The following PRLR variants were observed in gnomAD, a reference collection of about 807,000 sequenced individuals.
PRLR encodes hPRL receptor.
Under a neutral mutation model 40.2 loss-of-function variants are expected in PRLR, and 13 were observed. That is an observed-to-expected ratio of 0.32 (90% confidence interval 0.21 to 0.51). The LOEUF (loss-of-function observed/expected upper bound fraction) is 0.51, where lower values mean the gene tolerates loss of function less well. PRLR is among the 20% of genes least tolerant of loss of function. The pLI is 0.97. For missense variants in PRLR, 656 were observed against 747.3 expected (o/e 0.88, Z 1.42); for synonymous variants, 269 against 278.7 (o/e 0.97, Z 0.35).
chr5:35,117,545 C>G (rs964131124), intron 2 of PRLR, among the ~76,000 whole-genome samples: 1 of 152,188 alleles, frequency 6.6e-6, no homozygotes, highest in Non-Finnish European at 1.5e-5. Flanking sequence ...CTAGGGTTTC[C>G]TTGCCACTGG....
intron 2 of PRLR, among the ~76,000 whole-genome samples, chr5:35,107,820 T>G (rs1772369148): frequency 6.6e-6 from 1 of 152,224 alleles, no homozygotes; most frequent in Admixed American, 6.5e-5. Context: ...ATACCATTCC[T>G]TCTAAACTAT....
intron 4 of PRLR, among the ~76,000 whole-genome samples, chr5:35,085,761 A>G (rs1770809761): frequency 6.6e-6 from 1 of 152,240 alleles, no homozygotes; most frequent in Non-Finnish European, 1.5e-5. Flanking sequence ...AGCATTTAAG[A>G]TTAACTAGCA....
chr5:35,156,663 A>G (rs913822517), intron 1 of PRLR, among the ~76,000 whole-genome samples: 1 of 152,076 alleles, frequency 6.6e-6, no homozygotes, highest in African/African-American at 2.4e-5. Flanking sequence ...TGTTGTCTAC[A>G]ATGCTCTTCC....
intron 2 of PRLR, among the ~76,000 whole-genome samples, chr5:35,109,516 C>A (rs970299952): frequency 6.6e-6 from 1 of 152,036 alleles, no homozygotes; most frequent in East Asian, 1.9e-4. Flanking sequence ...TACAAATTTA[C>A]AAGAAAAAAA....
chr5:35,117,501 C>T (rs1263589005), intron 2 of PRLR, among the ~76,000 whole-genome samples: 2 of 152,094 alleles, frequency 1.3e-5, no homozygotes, highest in Non-Finnish European at 2.9e-5. Context: ...AGTCGTAATA[C>T]TTCATGATCT....
intron 1 of PRLR, among the ~76,000 whole-genome samples, chr5:35,173,563 G>A (rs1320599941): frequency 6.6e-6 from 1 of 152,134 alleles, no homozygotes; most frequent in African/African-American, 2.4e-5. Context: ...GAAAAAATTG[G>A]CAAACAAAAT....
chr5:35,224,349 T>C (rs1292719899), intron 1 of PRLR, among the ~76,000 whole-genome samples: 2 of 152,114 alleles, frequency 1.3e-5, no homozygotes, highest in Admixed American at 1.3e-4. Flanking sequence ...TTCTGGCCAG[T>C]GAATAAAACC....
chr5:35,110,670 A>G (rs1035084486), intron 2 of PRLR, among the ~76,000 whole-genome samples: 1 of 152,154 alleles, frequency 6.6e-6, no homozygotes, highest in Non-Finnish European at 1.5e-5. Context: ...GTGTTCCTCA[A>G]AGTCAACCCC....
At chr5:35,213,214 G>T (rs1776212167) in intron 1 of PRLR, among the ~76,000 whole-genome samples, 1 of 152,116 alleles carries the variant, frequency 6.6e-6, no homozygotes, top group Non-Finnish European at 1.5e-5. Context: ...TACCATTGTG[G>T]GAAGTTTTAC....
chr5:35,158,490 T>A (rs964014898), intron 1 of PRLR, among the ~76,000 whole-genome samples: 1 of 151,130 alleles, frequency 6.6e-6, no homozygotes, highest in African/African-American at 2.4e-5. Context: ...CAGCTTTGAG[T>A]TTTATGTCTG....
Position 35,066,070 on chromosome 5 carries a change from C to T in PRLR, c.888G>A (p.Leu296=). ...KGKSEELLSA[L]GCQDFPPTSD... is the part of the protein sequence containing the mutation. ...AAGTGGGAGGAAAGTCTTGGCATCC[C>T]AAGGCACTCAGTAGTTCTTCAGACT... The change falls in exon 10 of 10, where the codon TTG becomes TTA. Residue 296 remains leucine, a synonymous_variant. Coordinates refer to ENST00000618457, the MANE Select transcript of PRLR (RefSeq NM_000949.7). 1.2e-6 allele frequency: 2 copies of T among 1,614,036 alleles called. No homozygotes were observed. The highest frequency in any genetic ancestry group is 1.7e-4 in the Middle Eastern group (1 of 5,998).
exon 9 of PRLR, chr5:35,048,900 C>A (rs911831666): frequency 1.2e-5 from 4 of 337,448 alleles, no homozygotes; most frequent in Admixed American, 1.1e-4. Flanking sequence ...ACTAGGGGGT[C>A]GAGGGACTGG....
chr5:35,099,288 T>C (rs1037784375), intron 2 of PRLR, among the ~76,000 whole-genome samples: 1 of 152,132 alleles, frequency 6.6e-6, no homozygotes, highest in Non-Finnish European at 1.5e-5. Context: ...GGTGGTCCTA[T>C]AAGATGACAA....
downstream of PRLR, among the ~76,000 whole-genome samples, chr5:35,054,637 C>T (rs143711166): frequency 1.7e-3 from 261 of 152,128 alleles, 1 homozygote; most frequent in African/African-American, 6.1e-3. Flanking sequence ...CAGTTGTATG[C>T]ATAAAGCAGT....
Position 35,065,191 on chromosome 5 carries a change from C to T in PRLR, c.1767G>A (p.Glu589=). 6.2e-7 allele frequency: 1 copy of T among 1,614,186 alleles called. No individual in the cohort carries two copies. The highest frequency in any genetic ancestry group is 1.1e-5 in the South Asian group (1 of 91,080). The change falls in exon 10 of 10, where the codon GAG becomes GAA. Residue 589 remains glutamate (E), a synonymous_variant. Coordinates refer to ENST00000618457, the MANE Select transcript of PRLR (RefSeq NM_000949.7). ...TTGCAGTGAAGTTGGCCAGGGCTTT[C>T]TCAGCTTGATTCTGTTCAAGTGATG... ...APPSLEQNQA[E]KALANFTATS... is the part of the protein sequence containing the mutation.
intron 1 of PRLR, among the ~76,000 whole-genome samples, chr5:35,192,110 G>A (rs367800196): frequency 3.3e-5 from 5 of 152,292 alleles, no homozygotes; most frequent in African/African-American, 4.8e-5. Flanking sequence ...TGTGCCTGTC[G>A]TGTCCACATA....
intron 4 of PRLR, 63 bp from the exon 5 acceptor site, chr5:35,084,702 T>C (rs1430876307): frequency 3.3e-6 from 5 of 1,496,032 alleles, no homozygotes; most frequent in Admixed American, 4.0e-5. Context: ...GTTTTTTTCT[T>C]CATAGATCAA....
intron 1 of PRLR, among the ~76,000 whole-genome samples, chr5:35,123,680 T>G (rs532549887): frequency 1.3e-5 from 2 of 152,298 alleles, no homozygotes; most frequent in African/African-American, 4.8e-5. Flanking sequence ...TCAGGCTGCT[T>G]CTCTCTTTAA....
At chr5:35,123,912 G>T (rs1773373878) in intron 1 of PRLR, among the ~76,000 whole-genome samples, 1 of 152,182 alleles carries the variant, frequency 6.6e-6, no homozygotes, top group South Asian at 2.1e-4. Context: ...TCTTTTCACT[G>T]AATTCCTCTG....
Sources: gnomAD v4.1 joint callset for allele counts (sites outside exome capture counted in the v4.1 genomes callset) on GRCh38, gnomAD v4.1.1 for gene constraint, MANE v1.5 for transcripts, NCBI Gene and HGNC (gene_info 2026-07-23, HGNC 2026-07-21) for gene names.